The following ZNF385D variants were observed in gnomAD, a reference collection of about 807,000 sequenced individuals.
The protein encoded by ZNF385D is zinc finger protein 659.
In ZNF385D, 15 loss-of-function variants were observed where a neutral mutation model predicts 35.8. The ratio of observed to expected loss-of-function variants is 0.42; its 90% CI spans 0.28 to 0.64. ZNF385D has a LOEUF of 0.64. ZNF385D is among the 30% of genes least tolerant of loss of function. ZNF385D has a pLI of 0.23. For synonymous variants in ZNF385D, 212 were observed against 186.8 expected (o/e 1.13, Z -1.10); for missense variants, 474 against 494.6 (o/e 0.96, Z 0.39).
chr3:22,266,550 G>T (rs1005862344), intron 2 of ZNF385D, among the ~76,000 whole-genome samples: 1 of 151,812 alleles, frequency 6.6e-6, no homozygotes, highest in African/African-American at 2.4e-5. Context: ...AGAGAAGCAT[G>T]AGAAAGCACA....
At chr3:22,349,929 C>G (rs1695839599) in intron 2 of ZNF385D, among the ~76,000 whole-genome samples, 1 of 151,914 alleles carries the variant, frequency 6.6e-6, no homozygotes, top group Non-Finnish European at 1.5e-5. Flanking sequence ...AAAATATAAG[C>G]AAAAGATTAC....
At chr3:21,940,377 G>A (rs755076039) in intron 3 of ZNF385D, among the ~76,000 whole-genome samples, 2 of 152,140 alleles carry the variant, frequency 1.3e-5, no homozygotes, top group Non-Finnish European at 2.9e-5. Context: ...TCTGTCAAAT[G>A]GGAAAAAGAA....
At chr3:21,493,293 A>G (rs529415056) in intron 4 of ZNF385D, among the ~76,000 whole-genome samples, 1 of 152,260 alleles carries the variant, frequency 6.6e-6, no homozygotes, top group African/African-American at 2.4e-5. Context: ...TTTCTGTCCC[A>G]TTTCTTATAT....
intron 2 of ZNF385D, among the ~76,000 whole-genome samples, chr3:22,231,818 T>C (rs1338988871): frequency 6.6e-6 from 1 of 152,114 alleles, no homozygotes; most frequent in Non-Finnish European, 1.5e-5. Context: ...GATTGGATCA[T>C]AGGGGTAGAT....
At chr3:21,778,502 G>A (rs550017197) in intron 3 of ZNF385D, among the ~76,000 whole-genome samples, 1 of 151,826 alleles carries the variant, frequency 6.6e-6, no homozygotes, top group African/African-American at 2.4e-5. Flanking sequence ...TATCAGGCAA[G>A]CTATCACTGA....
intron 3 of ZNF385D, chr3:21,562,162 A>T (rs1226480293): frequency 6.6e-6 from 1 of 152,198 alleles, no homozygotes; most frequent in Non-Finnish European, 1.5e-5. Flanking sequence ...TGCCCATTCT[A>T]CTTTGAAACT....
intron 3 of ZNF385D, among the ~76,000 whole-genome samples, chr3:22,011,952 C>T (rs1696599800): frequency 6.6e-6 from 1 of 152,084 alleles, no homozygotes; most frequent in African/African-American, 2.4e-5. Context: ...TTTCTTCTTC[C>T]CTCCCTTCTT....
intron 1 of ZNF385D, among the ~76,000 whole-genome samples, chr3:21,742,519 AG>A (rs1365614294): frequency 6.6e-6 from 1 of 152,174 alleles, no homozygotes; most frequent in African/African-American, 2.4e-5. Context: ...TAAAGCCTGC[AG>A]GATACATTTC....
At chr3:21,435,920 A>C (rs1247048715) in intron 5 of ZNF385D, among the ~76,000 whole-genome samples, 1 of 152,178 alleles carries the variant, frequency 6.6e-6, no homozygotes, top group Non-Finnish European at 1.5e-5. Context: ...ATTACTCCTT[A>C]GAGTCTTGAA....
intron 1 of ZNF385D, among the ~76,000 whole-genome samples, chr3:21,681,157 G>A (rs930197481): frequency 6.6e-6 from 1 of 151,518 alleles, no homozygotes; most frequent in African/African-American, 2.4e-5. Context: ...TCACATTTCA[G>A]AGTATTATAC....
At chr3:21,845,864 T>G (rs1276996605) in intron 3 of ZNF385D, among the ~76,000 whole-genome samples, 2 of 151,926 alleles carry the variant, frequency 1.3e-5, no homozygotes, top group East Asian at 1.9e-4. Flanking sequence ...CGCCTGAATA[T>G]GGAAAAATAT....
At chr3:22,027,455 G>A (rs1448089192) in intron 3 of ZNF385D, among the ~76,000 whole-genome samples, 1 of 152,180 alleles carries the variant, frequency 6.6e-6, no homozygotes, top group Non-Finnish European at 1.5e-5. Flanking sequence ...CCTTTGGCAG[G>A]TCCCCATTGA....
intron 2 of ZNF385D, among the ~76,000 whole-genome samples, chr3:21,609,249 C>A (rs1433207373): frequency 6.6e-6 from 1 of 152,204 alleles, no homozygotes; most frequent in East Asian, 1.9e-4. Context: ...TAACACACAG[C>A]TCTCGCCAAC....
chr3:22,106,912 T>C (rs1702243434), intron 3 of ZNF385D, among the ~76,000 whole-genome samples: 2 of 152,160 alleles, frequency 1.3e-5, no homozygotes, highest in Non-Finnish European at 2.9e-5. Flanking sequence ...TCCTCTACTC[T>C]TGCTAGTTAT....
chr3:22,321,622 C>G (rs1041867710), intron 2 of ZNF385D, among the ~76,000 whole-genome samples: 2 of 152,112 alleles, frequency 1.3e-5, no homozygotes, highest in Non-Finnish European at 2.9e-5. Context: ...ACCTCGGCCT[C>G]CCAAAGTGCT....
intron 3 of ZNF385D, among the ~76,000 whole-genome samples, chr3:21,793,252 GT>G (rs1559626971): frequency 6.6e-6 from 1 of 152,150 alleles, no homozygotes; most frequent in East Asian, 1.9e-4. Context: ...TGGGTTCCTC[GT>G]TTATTAATAG....
chr3:21,948,769 T>C (rs1701917011), intron 3 of ZNF385D, among the ~76,000 whole-genome samples: 2 of 152,114 alleles, frequency 1.3e-5, no homozygotes, highest in South Asian at 2.1e-4. Context: ...CGTTGAAAAA[T>C]ATAGAACAAA....
At chr3:21,932,893 G>A (rs545554160) in intron 3 of ZNF385D, among the ~76,000 whole-genome samples, 1 of 152,108 alleles carries the variant, frequency 6.6e-6, no homozygotes, top group African/African-American at 2.4e-5. Flanking sequence ...ATTAATTTGT[G>A]ATTGTTACCT....
intron 2 of ZNF385D, among the ~76,000 whole-genome samples, chr3:22,297,209 G>A (rs1428674333): frequency 6.6e-6 from 1 of 152,104 alleles, no homozygotes; most frequent in Non-Finnish European, 1.5e-5. Flanking sequence ...CCCAGACTGT[G>A]ACAATCAACC....
Sources: gnomAD v4.1 joint callset for allele counts (sites outside exome capture counted in the v4.1 genomes callset) on GRCh38, gnomAD v4.1.1 for gene constraint, MANE v1.5 for transcripts, NCBI Gene and HGNC (gene_info 2026-07-23, HGNC 2026-07-21) for gene names.